Variants in HMCN1 observed in about 807,000 individuals in gnomAD.
The protein encoded by HMCN1 is hemicentin-1.
HMCN1 carries 321 observed loss-of-function variants against 625.9 expected under a neutral mutation model. The observed-to-expected ratio is 0.51, with a 90% confidence interval of 0.47 to 0.56. HMCN1 has a LOEUF of 0.56. Among genes scored for constraint, HMCN1 ranks in the 20% least tolerant of loss-of-function variants. The pLI is 0.00. For synonymous variants in HMCN1, 2,425 were observed against 2,417.6 expected (o/e 1.00, Z -0.09); for missense variants, 6,588 against 6,887.3 (o/e 0.96, Z 1.54).
chr1:186,067,414 T>C (rs1658197639), intron 49 of HMCN1, among the ~76,000 whole-genome samples: 1 of 152,132 alleles, frequency 6.6e-6, no homozygotes, highest in Non-Finnish European at 1.5e-5. Flanking sequence ...ATGTTCCCTC[T>C]TACTAGTCTC....
chr1:185,792,098 A>T (rs1658044858), intron 1 of HMCN1, among the ~76,000 whole-genome samples: 1 of 152,256 alleles, frequency 6.6e-6, no homozygotes, highest in Admixed American at 6.5e-5. Flanking sequence ...TGAATAAATA[A>T]CTATAACAAA....
chr1:185,835,543 G>C (rs1661114703), intron 1 of HMCN1, among the ~76,000 whole-genome samples: 1 of 151,874 alleles, frequency 6.6e-6, no homozygotes, highest in South Asian at 2.1e-4. Context: ...ATTCAGACTG[G>C]AACAAAATAA....
chr1:185,759,858 G>T lies in HMCN1; in HGVS notation c.268+24811G>T, dbSNP rs147204306. 1.6e-3 allele frequency among the ~76,000 whole-genome samples: 250 copies of T among 152,200 alleles called. 1 individual carries two copies. The highest frequency in any genetic ancestry group is 3.0e-3 in the Non-Finnish European group (206 of 68,006). On this transcript the variant is annotated intron_variant, in intron 1 of 106. Coordinates refer to ENST00000271588, the MANE Select transcript of HMCN1 (RefSeq NM_031935.3). ...ACAATGTAATGGGATTGTGAATATG[G>T]AAGACTCTTAAACATAAGTAATAAA...
At chr1:186,162,744 G>A (rs1308032878) in intron 97 of HMCN1, among the ~76,000 whole-genome samples, 7 of 152,290 alleles carry the variant, frequency 4.6e-5, no homozygotes, top group South Asian at 2.1e-4. Flanking sequence ...CGTGAACCAC[G>A]AATGCTGCTG....
At chr1:186,103,386 A>G (rs886660214) in intron 68 of HMCN1, 86 bp from the exon 69 acceptor site, 5 of 1,070,316 alleles carry the variant, frequency 4.7e-6, no homozygotes, top group Non-Finnish European at 5.7e-6. Flanking sequence ...GTGAATGTGA[A>G]TTTGTGTTGG....
At chr1:185,941,328 C>G (rs1022818079) in intron 11 of HMCN1, among the ~76,000 whole-genome samples, 29 of 152,106 alleles carry the variant, frequency 1.9e-4, no homozygotes, top group African/African-American at 6.0e-4. Flanking sequence ...AGAAGTTATT[C>G]TACATATTTT....
At chr1:186,090,530 AG>A (rs2102409907) in intron 63 of HMCN1, among the ~76,000 whole-genome samples, 1 of 152,110 alleles carries the variant, frequency 6.6e-6, no homozygotes, top group Non-Finnish European at 1.5e-5. Flanking sequence ...CTCTATCACT[AG>A]CCCCTATGAC....
Position 185,861,978 on chromosome 1 carries a change from A to G in HMCN1, c.340-2492A>G, listed in dbSNP as rs115562205. On this transcript the variant is annotated intron_variant, in intron 2 of 106. Coordinates refer to ENST00000271588, the MANE Select transcript of HMCN1 (RefSeq NM_031935.3). ...CAATAATGGAAGAATTTAGACATGC[A>G]TATTTTGTTGAGAAGTGTTTAATGG... Among the ~76,000 whole-genome samples, 1,418 of 152,316 alleles carry G rather than the reference A, an allele frequency of 9.3e-3. 30 individuals are homozygous for G. The highest frequency in any genetic ancestry group is 0.033 in the African/African-American group (1,363 of 41,580).
chr1:185,820,316 A>G (rs74135359), intron 1 of HMCN1, among the ~76,000 whole-genome samples: 6,288 of 152,196 alleles, frequency 0.041, 424 homozygotes, highest in African/African-American at 0.14. Context: ...TTTGTTATAC[A>G]AGGGCATTAA....
rs1442539053 is a variant in HMCN1 at position 186,178,616 on chromosome 1, T to G, written c.16144T>G (p.Tyr5382Asp). Residue 5382 changes from tyrosine (Y) to aspartate (D), a missense_variant, in exon 104 of 107, where the codon TAT becomes GAT. By Grantham distance (160) the Tyr-to-Asp change is radical. This residue lies in a region of HMCN1 where 1,954 missense variants were observed against 2,013.1 expected (regional missense o/e 0.97). Coordinates refer to ENST00000271588, the MANE Select transcript of HMCN1 (RefSeq NM_031935.3). ...LARFSPVRNN[Y>D]QPQQHYRQYS... ...ACGGTTCTCCCCTGTGAGAAACAAC[T>G]ATCAACCTCAACAGCATTACAGACA... 6.2e-7 allele frequency: 1 copy of G among 1,614,128 alleles called. No homozygotes were observed. The highest frequency in any genetic ancestry group is 1.7e-5 in the Admixed American group (1 of 60,018).
At chr1:185,992,646 T>C (rs944719732) in intron 22 of HMCN1, among the ~76,000 whole-genome samples, 3 of 152,136 alleles carry the variant, frequency 2.0e-5, no homozygotes. Context: ...CCAAGAGCAC[T>C]CTGCATTTGA....
intron 78 of HMCN1, 86 bp from the exon 79 acceptor site, chr1:186,119,659 T>A (rs774897529): frequency 3.9e-6 from 5 of 1,298,618 alleles, no homozygotes; most frequent in Non-Finnish European, 5.5e-6. Flanking sequence ...AATTATGAAT[T>A]TGGGTATTTT....
intron 35 of HMCN1, among the ~76,000 whole-genome samples, chr1:186,020,418 A>C (rs931133485): frequency 6.6e-6 from 1 of 152,026 alleles, no homozygotes; most frequent in African/African-American, 2.4e-5. Context: ...CTTTTTTAGT[A>C]GACGTGGTGG....
intron 6 of HMCN1, among the ~76,000 whole-genome samples, chr1:185,915,371 C>G (rs1666646498): frequency 6.6e-6 from 1 of 152,026 alleles, no homozygotes; most frequent in Non-Finnish European, 1.5e-5. Context: ...ACCACAGAAA[C>G]TCTTGAGCCA....
chr1:186,125,470 C>G, intron 81 of HMCN1, 134 bp from the exon 82 acceptor site: 4 of 708,064 alleles, frequency 5.6e-6, no homozygotes, highest in Non-Finnish European at 1.0e-5. Context: ...AAATCAATAT[C>G]TTAATAGATT....
intron 97 of HMCN1, among the ~76,000 whole-genome samples, chr1:186,158,696 C>T (rs1274791589): frequency 3.3e-5 from 5 of 152,162 alleles, no homozygotes; most frequent in South Asian, 2.1e-4. Context: ...ATAGGGAGTC[C>T]TTTCCCCATT....
chr1:186,119,676 C>T, intron 78 of HMCN1, 69 bp from the exon 79 acceptor site: 2 of 1,493,330 alleles, frequency 1.3e-6, no homozygotes, highest in Admixed American at 1.7e-5. Context: ...TTTTTAAGCT[C>T]ATTACTACAA....
chr1:185,979,101 C>T (rs1314386264), intron 16 of HMCN1, among the ~76,000 whole-genome samples: 1 of 152,130 alleles, frequency 6.6e-6, no homozygotes, highest in African/African-American at 2.4e-5. Flanking sequence ...TGGACAGATT[C>T]AGATATAGGG....
At chr1:186,046,543 T>C (rs1656588715) in intron 41 of HMCN1, among the ~76,000 whole-genome samples, 1 of 152,072 alleles carries the variant, frequency 6.6e-6, no homozygotes, top group South Asian at 2.1e-4. Flanking sequence ...TGTAAATACA[T>C]AACAAATTAA....
Sources: gnomAD v4.1 joint callset for allele counts (sites outside exome capture counted in the v4.1 genomes callset) on GRCh38, gnomAD v4.1.1 for gene constraint, gnomAD v4.1.1 regional missense constraint, MANE v1.5 for transcripts, NCBI Gene and HGNC (gene_info 2026-07-23, HGNC 2026-07-21) for gene names.